Variants in TRPC3 observed in about 807,000 individuals in gnomAD.
TRPC3 encodes the protein transient receptor potential cation channel subfamily C member 3.
Under a neutral mutation model 90.9 loss-of-function variants are expected in TRPC3, and 54 were observed. The observed-to-expected ratio is 0.59, with a 90% confidence interval of 0.48 to 0.75. TRPC3 has a LOEUF of 0.75. TRPC3 is among the 30% of genes least tolerant of loss of function. The probability of loss-of-function intolerance (pLI) is 0.00; values close to 1 mark genes in which losing one functional copy is unlikely to be tolerated. For missense variants in TRPC3, 918 were observed against 1,194.5 expected (o/e 0.77, Z 3.41); for synonymous variants, 424 against 450.9 (o/e 0.94, Z 0.75).
At chr4:121,904,550 T>A (rs201222816) in intron 7 of TRPC3, 33 bp from the exon 8 acceptor site, 71 of 1,477,360 alleles carry the variant, frequency 4.8e-5, no homozygotes, top group Non-Finnish European at 6.3e-5. Flanking sequence ...AGTAAGTAAG[T>A]TAACAGTTTT....
At position 121,932,075 on chromosome 4, in the gene TRPC3, C is replaced by G. The variant is rs749869952; in HGVS notation, c.987+196G>C. ...GATCCAGAATACTGGATCCCCAAAG[C>G]GAATTTGTCACAGCACCATCATTGA... On this transcript the variant is annotated intron_variant, in intron 2 of 11. Coordinates refer to ENST00000379645, the MANE Select transcript of TRPC3 (RefSeq NM_001130698.2). The surrounding 1 kb of genome is among the most constrained non-coding windows in gnomAD (Gnocchi z 7.7). Among the ~76,000 whole-genome samples the G allele has an allele frequency of 6.6e-6, 1 of 152,146 alleles. No homozygotes were observed. Among genetic ancestry groups the G allele is most frequent in the East Asian group, 1.9e-4 (1 of 5,188 alleles).
chr4:121,879,980 G>C, intron 11 of TRPC3, 102 bp from the exon 12 acceptor site: 2 of 1,130,638 alleles, frequency 1.8e-6, no homozygotes, highest in South Asian at 2.0e-5. Flanking sequence ...GCTTCATAAG[G>C]TCTCCAAGGT....
chr4:121,925,304 G>A, intron 2 of TRPC3, 98 bp from the exon 3 acceptor site: 1 of 1,309,784 alleles, frequency 7.6e-7, no homozygotes, highest in South Asian at 1.6e-5. Context: ...TTCTTTTGGG[G>A]GTAGAAAGCT....
At chr4:121,881,738 T>C (rs1475854849) in intron 11 of TRPC3, among the ~76,000 whole-genome samples, 3 of 152,180 alleles carry the variant, frequency 2.0e-5, no homozygotes, top group Non-Finnish European at 4.4e-5. Context: ...TATTTCTCCC[T>C]GGTTGATTTC....
chr4:121,941,535 G>T (rs1270167258), intron 1 of TRPC3, among the ~76,000 whole-genome samples: 2 of 152,164 alleles, frequency 1.3e-5, no homozygotes, highest in Non-Finnish European at 2.9e-5. Flanking sequence ...TTACACTATG[G>T]AGATGGTGAT....
chr4:121,937,956 G>A (rs906972495), intron 1 of TRPC3, among the ~76,000 whole-genome samples: 69 of 151,830 alleles, frequency 4.5e-4, no homozygotes, highest in African/African-American at 1.5e-3. Context: ...AGGCTGGAGT[G>A]TAGTGGGAGG....
intron 5 of TRPC3, among the ~76,000 whole-genome samples, chr4:121,911,184 A>G (rs921441429): frequency 5.9e-5 from 9 of 152,216 alleles, no homozygotes; most frequent in Admixed American, 5.2e-4. Context: ...CTAACCTACT[A>G]ACTCCGAAAA....
At chr4:121,924,904 GC>G (rs1729649739) in intron 3 of TRPC3, 113 bp downstream of exon 3, 1 of 1,164,138 alleles carries the variant, frequency 8.6e-7, no homozygotes. Flanking sequence ...TCATTATGTT[GC>G]CCAGCCTACT....
intron 10 of TRPC3, among the ~76,000 whole-genome samples, 168 bp downstream of exon 10, chr4:121,899,444 T>C (rs1728628407): frequency 6.6e-6 from 1 of 152,040 alleles, no homozygotes; most frequent in African/African-American, 2.4e-5. Flanking sequence ...TTAATTTTTT[T>C]TTAAAAAATT....
intron 4 of TRPC3, among the ~76,000 whole-genome samples, chr4:121,912,655 A>G (rs1406175215): frequency 2.6e-5 from 4 of 152,226 alleles, no homozygotes; most frequent in African/African-American, 7.2e-5. Context: ...AACCAAGATG[A>G]ATATTGTATC....
intron 3 of TRPC3, among the ~76,000 whole-genome samples, chr4:121,921,278 T>C (rs1470510419): frequency 1.3e-5 from 2 of 151,840 alleles, no homozygotes; most frequent in African/African-American, 4.8e-5. Flanking sequence ...ATCCCAGCAC[T>C]TTGGGAGGCC....
chr4:121,888,562 G>GTTTT (rs34467429), intron 10 of TRPC3, among the ~76,000 whole-genome samples: 1 of 143,690 alleles, frequency 7.0e-6, no homozygotes, highest in African/African-American at 2.6e-5. Context: ...ACCAAGTTCT[G>GTTTT]TTTTTTTTTT....
intron 10 of TRPC3, among the ~76,000 whole-genome samples, chr4:121,893,595 T>C (rs563935571): frequency 5.9e-4 from 89 of 152,002 alleles, no homozygotes; most frequent in African/African-American, 2.0e-3. Flanking sequence ...GGGGGAAAAA[T>C]CTTTCCAAGT....
intron 3 of TRPC3, among the ~76,000 whole-genome samples, chr4:121,921,920 T>G (rs866485333): frequency 0.032 from 2,780 of 87,208 alleles, 58 homozygotes; most frequent in African/African-American, 0.099. Flanking sequence ...TTTTTTTTTG[T>G]TTTTTTTTTT....
intron 3 of TRPC3, among the ~76,000 whole-genome samples, chr4:121,917,707 G>C (rs976782415): frequency 1.3e-5 from 2 of 152,198 alleles, no homozygotes; most frequent in African/African-American, 4.8e-5. Context: ...GATATTTGGA[G>C]GATCTGCATT....
chr4:121,904,120 G>T (rs1018176351), intron 8 of TRPC3, among the ~76,000 whole-genome samples: 4 of 152,100 alleles, frequency 2.6e-5, no homozygotes, highest in African/African-American at 9.7e-5. Flanking sequence ...AATTCATGGG[G>T]ACCCCTGCTG....
At chr4:121,918,911 C>T (rs1729410245) in intron 3 of TRPC3, among the ~76,000 whole-genome samples, 1 of 152,154 alleles carries the variant, frequency 6.6e-6, no homozygotes, top group Non-Finnish European at 1.5e-5. Flanking sequence ...GGGCAGTGAC[C>T]TTTATACCTG....
intron 6 of TRPC3, 64 bp downstream of exon 6, chr4:121,910,090 C>T: frequency 7.6e-7 from 1 of 1,313,070 alleles, no homozygotes; most frequent in Middle Eastern, 1.9e-4. Flanking sequence ...TTGGCATTTC[C>T]TTCCAAAATG....
chr4:121,903,060 T>A lies in TRPC3; in HGVS notation c.2255A>T (p.Asp752Val). The change falls in exon 9 of 12, where the codon GAT (aspartate) becomes GTT (valine). Residue 752 changes from aspartate to valine, a missense_variant and splice_region_variant. By Grantham distance (152) the Asp-to-Val change is radical (BLOSUM62 -3). Coordinates refer to ENST00000379645, the MANE Select transcript of TRPC3 (RefSeq NM_001130698.2). ...MINSSYQEIEDDSDVEWKFAR... is the reference protein window; with the variant it reads ...MINSSYQEIEVDSDVEWKFAR... The stretch of plus-strand genomic sequence containing the variant: ...AAACTTCCATTCTACATCACTGTCA[T>A]CCTGTGTCACAAAAATAGAAAAAAA... The A allele has an allele frequency of 6.3e-7, 1 of 1,593,136 alleles. No homozygotes were observed. The highest frequency in any genetic ancestry group is 1.8e-5 in the Admixed American group (1 of 54,858).
Sources: gnomAD v4.1 joint callset for allele counts (sites outside exome capture counted in the v4.1 genomes callset) on GRCh38, gnomAD v4.1.1 for gene constraint, Gnocchi (gnomAD v3.1) non-coding constraint, MANE v1.5 for transcripts, NCBI Gene and HGNC (gene_info 2026-07-23, HGNC 2026-07-21) for gene names.